Variants in GALNT13 observed in about 807,000 individuals in gnomAD.
The protein encoded by GALNT13 is UDP-GalNAc:polypeptide N-acetylgalactosaminyltransferase 13.
Under a neutral mutation model 64.2 loss-of-function variants are expected in GALNT13, and 28 were observed. That is an observed-to-expected ratio of 0.44 (90% confidence interval 0.32 to 0.60). GALNT13 has a LOEUF of 0.60. Among genes scored for constraint, GALNT13 ranks in the 20% least tolerant of loss-of-function variants. The pLI is 0.05. For missense variants in GALNT13, 577 were observed against 669.8 expected, an observed-to-expected ratio of 0.86 and a Z score of 1.53; for synonymous variants, 214 against 224.6, an observed-to-expected ratio of 0.95 and a Z score of 0.42.
intron 1 of GALNT13, among the ~76,000 whole-genome samples, chr2:153,888,612 TTAAAAG>T (rs1354732726): frequency 4.6e-5 from 7 of 152,128 alleles, no homozygotes; most frequent in African/African-American, 1.7e-4. Flanking sequence ...TGAAAATACT[TTAAAAG>T]TAATTAAAAA....
At chr2:153,838,064 T>C in the GALNT13 span, among the ~76,000 whole-genome samples, 1 of 152,098 alleles carries the variant, frequency 6.6e-6, no homozygotes, top group African/African-American at 2.4e-5. Context: ...ATATCTTCTT[T>C]GGATAAATCT....
the GALNT13 span, chr2:153,761,863 G>T: frequency 6.4e-6 from 1 of 156,780 alleles, no homozygotes; most frequent in South Asian, 2.0e-4. Context: ...TCTGTCCATA[G>T]ACATAAACTA....
chr2:153,318,156 T>G, the GALNT13 span, among the ~76,000 whole-genome samples: 2 of 145,378 alleles, frequency 1.4e-5, no homozygotes, highest in Non-Finnish European at 3.0e-5. Context: ...AACATAGACA[T>G]GGAAGACATT....
chr2:153,899,956 G>A (rs1288578201), intron 1 of GALNT13, among the ~76,000 whole-genome samples: 1 of 95,782 alleles, frequency 1.0e-5, no homozygotes, highest in Non-Finnish European at 2.2e-5. Context: ...TTTTTTTTGA[G>A]ATGGAGTCTC....
chr2:153,962,432 A>C (rs1693011000), intron 3 of GALNT13, among the ~76,000 whole-genome samples: 1 of 152,178 alleles, frequency 6.6e-6, no homozygotes, highest in Admixed American at 6.5e-5. Flanking sequence ...AAAGATGGAG[A>C]TAGGTGGTAT....
At chr2:153,796,781 T>C in the GALNT13 span, among the ~76,000 whole-genome samples, 1 of 152,192 alleles carries the variant, frequency 6.6e-6, no homozygotes, top group Non-Finnish European at 1.5e-5. Flanking sequence ...CAGTACTTTC[T>C]TTGGTGCCAT....
At chr2:153,589,095 A>G in the GALNT13 span, among the ~76,000 whole-genome samples, 4 of 151,970 alleles carry the variant, frequency 2.6e-5, no homozygotes, top group Non-Finnish European at 5.9e-5. Context: ...AGATCATGCC[A>G]TTGCACTCCA....
rs74561760 is a variant in GALNT13, at chr2:154,338,697, G to A, written c.1156+37108G>A. On this transcript the variant is annotated intron_variant, in intron 9 of 12. Transcript: ENST00000392825. ...GGATCAGCTAGTTTGAATAATTTCC[G>A]TAGGCATAAGGATAGTTCCTAGTTG... Among the ~76,000 whole-genome samples the A allele has an allele frequency of 7.1e-3, 1,073 of 152,168 alleles. 12 individuals carry two copies. Among genetic ancestry groups the A allele is most frequent in the African/African-American group, 0.025 (1,020 of 41,548 alleles).
intron 1 of GALNT13, among the ~76,000 whole-genome samples, chr2:153,879,974 G>T (rs958068027): frequency 2.1e-4 from 32 of 152,040 alleles, no homozygotes; most frequent in African/African-American, 7.2e-4. Flanking sequence ...ACATAATGTT[G>T]CAGACAAGAA....
Position 154,225,227 on chromosome 2 carries a change from G to A in GALNT13, c.312-16803G>A, listed in dbSNP as rs138887126. On this transcript the variant is annotated intron_variant, in intron 4 of 12. Coordinates refer to ENST00000392825, the MANE Select transcript of GALNT13 (RefSeq NM_052917.4). Reference sequence around the variant, plus strand: ...ACTGAGAGACTGAGAGAAAATTGACGTTTCACACATTCAAAGATGTTTGAC... The same window carrying A: ...ACTGAGAGACTGAGAGAAAATTGACATTTCACACATTCAAAGATGTTTGAC... 2.8e-3 allele frequency among the ~76,000 whole-genome samples: 421 copies of A among 152,022 alleles called. 3 individuals carry two copies. Among genetic ancestry groups the A allele is most frequent in the African/African-American group, 9.9e-3 (412 of 41,488 alleles).
At chr2:153,489,393 C>T in the GALNT13 span, among the ~76,000 whole-genome samples, 1 of 152,114 alleles carries the variant, frequency 6.6e-6, no homozygotes, top group African/African-American at 2.4e-5. Context: ...ACAAAAGAGA[C>T]TAAGAGCCTC....
At chr2:153,123,078 A>G in the GALNT13 span, among the ~76,000 whole-genome samples, 4 of 152,028 alleles carry the variant, frequency 2.6e-5, no homozygotes, top group African/African-American at 4.8e-5. Context: ...TCAATGCCAT[A>G]CGAAGATACA....
At chr2:153,303,173 C>T in the GALNT13 span, among the ~76,000 whole-genome samples, 1 of 152,124 alleles carries the variant, frequency 6.6e-6, no homozygotes, top group Non-Finnish European at 1.5e-5. Flanking sequence ...AATTCATGAA[C>T]ACAGGATATC....
the GALNT13 span, among the ~76,000 whole-genome samples, chr2:153,793,283 T>C: frequency 2.6e-5 from 4 of 152,118 alleles, no homozygotes; most frequent in Admixed American, 2.6e-4. Flanking sequence ...TGAGGTAACA[T>C]TTCATAGGTC....
At chr2:153,754,070 GC>G in the GALNT13 span, among the ~76,000 whole-genome samples, 26 of 150,204 alleles carry the variant, frequency 1.7e-4, no homozygotes, top group Admixed American at 1.7e-3. Context: ...TGTGGTAAAT[GC>G]TGGTGGCTGG....
the GALNT13 span, among the ~76,000 whole-genome samples, chr2:153,153,153 C>T: frequency 6.6e-6 from 1 of 152,058 alleles, no homozygotes; most frequent in Admixed American, 6.6e-5. Context: ...CTCTAATGAT[C>T]AGTGATGTTG....
chr2:153,280,839 T>C, the GALNT13 span, among the ~76,000 whole-genome samples: 1 of 152,166 alleles, frequency 6.6e-6, no homozygotes, highest in Non-Finnish European at 1.5e-5. Flanking sequence ...TTATATTTGG[T>C]AGTTGATGGA....
the GALNT13 span, among the ~76,000 whole-genome samples, chr2:153,491,098 A>T: frequency 6.6e-6 from 1 of 152,176 alleles, no homozygotes; most frequent in Non-Finnish European, 1.5e-5. Flanking sequence ...TATGGGACAT[A>T]CTAATTTGAT....
chr2:153,551,451 A>G, the GALNT13 span, among the ~76,000 whole-genome samples: 1 of 152,228 alleles, frequency 6.6e-6, no homozygotes, highest in Non-Finnish European at 1.5e-5. Flanking sequence ...CAAAGGCAAC[A>G]TTAATGGAGA....
Sources: allele counts gnomAD v4.1 joint callset (sites outside exome capture counted in the v4.1 genomes callset), GRCh38; gene constraint gnomAD v4.1.1; transcripts MANE v1.5; gene names NCBI Gene and HGNC (gene_info 2026-07-23, HGNC 2026-07-21).